Variants in MAPK10 observed in about 807,000 individuals in gnomAD.
MAPK10 encodes mitogen-activated protein kinase 10, also known as JNK3 alpha protein kinase.
Under a neutral mutation model 59.3 loss-of-function variants are expected in MAPK10, and 25 were observed. That is an observed-to-expected ratio of 0.42 (90% CI 0.31 to 0.59). MAPK10 has a LOEUF of 0.59. MAPK10 is among the 20% of genes least tolerant of loss of function. The pLI, the probability that MAPK10 is intolerant of heterozygous loss-of-function variation, is 0.15. For missense variants in MAPK10, 351 were observed against 568.9 expected (o/e 0.62, Z 3.90); for synonymous variants, 190 against 200.5 (o/e 0.95, Z 0.44).
chr4:86,509,504 C>G (rs1756050871), intron 1 of MAPK10, among the ~76,000 whole-genome samples: 1 of 151,586 alleles, frequency 6.6e-6, no homozygotes, highest in Non-Finnish European at 1.5e-5. Flanking sequence ...AAAATGCTTC[C>G]CTGTCCGCAT....
At chr4:86,354,509 A>AT (rs1733416643) in intron 2 of MAPK10, 21 bp downstream of exon 2, 1 of 1,089,178 alleles carries the variant, frequency 9.2e-7, no homozygotes. Context: ...GCTAAGGAAT[A>AT]TTTTTAAATT....
chr4:86,096,026 T>C (rs1292828943), intron 9 of MAPK10, among the ~76,000 whole-genome samples: 2 of 151,750 alleles, frequency 1.3e-5, no homozygotes, highest in Non-Finnish European at 3.0e-5. Flanking sequence ...TTTTAACTTT[T>C]AGGTCCACAT....
intron 9 of MAPK10, among the ~76,000 whole-genome samples, chr4:86,070,674 G>C (rs1157345304): frequency 6.6e-6 from 1 of 150,942 alleles, no homozygotes; most frequent in African/African-American, 2.4e-5. Context: ...AGTTTACTGA[G>C]AATGATGATT....
intron 9 of MAPK10, chr4:86,095,232 A>C (rs1462141124): frequency 2.6e-5 from 4 of 151,464 alleles, no homozygotes; most frequent in Non-Finnish European, 5.9e-5. Flanking sequence ...CCACCAAGAA[A>C]CCCCCACGAT....
chr4:86,049,192 C>T (rs924644493), intron 11 of MAPK10, among the ~76,000 whole-genome samples: 16 of 151,998 alleles, frequency 1.1e-4, no homozygotes, highest in African/African-American at 3.9e-4. Flanking sequence ...CCATACCCCA[C>T]ATGAAGAATC....
At chr4:86,571,315 G>GAT (rs908170626) in intron 1 of MAPK10, among the ~76,000 whole-genome samples, 6 of 130,936 alleles carry the variant, frequency 4.6e-5, no homozygotes, top group Non-Finnish European at 9.7e-5. Context: ...ATATTTACTG[G>GAT]ATATATATAT....
At chr4:86,375,740 A>T (rs867340859) in intron 1 of MAPK10, among the ~76,000 whole-genome samples, 2 of 150,928 alleles carry the variant, frequency 1.3e-5, no homozygotes, top group African/African-American at 4.9e-5. Context: ...AAAAAAAAAA[A>T]AAATTAAATG....
At chr4:86,095,055 A>C (rs759131393) in intron 9 of MAPK10, 2 of 151,906 alleles carry the variant, frequency 1.3e-5, no homozygotes, top group African/African-American at 2.4e-5. Context: ...AACACTTTAC[A>C]CAAGAAAAAT....
chr4:86,187,860 C>CATAGGTA (rs1273774166), intron 3 of MAPK10, among the ~76,000 whole-genome samples: 7 of 152,114 alleles, frequency 4.6e-5, no homozygotes, highest in Non-Finnish European at 7.4e-5. Context: ...TGGTGGTTTG[C>CATAGGTA]TGCACCCATC....
intron 1 of MAPK10, among the ~76,000 whole-genome samples, chr4:86,494,107 C>G (rs959594396): frequency 6.6e-6 from 1 of 152,198 alleles, no homozygotes; most frequent in African/African-American, 2.4e-5. Context: ...TTTCCAAGTT[C>G]TCTGGCTTCT....
chr4:86,578,413 C>A (rs999326739), intron 1 of MAPK10, among the ~76,000 whole-genome samples: 6 of 152,096 alleles, frequency 3.9e-5, no homozygotes, highest in African/African-American at 1.4e-4. Context: ...CTTTCAATAG[C>A]AGTCTAATGA....
chr4:86,012,526 T>C lies in MAPK10; in HGVS notation c.*4702A>G, dbSNP rs1313685000. 6.6e-6 allele frequency: 1 copy of C among 151,914 alleles called. No homozygotes were observed. Among genetic ancestry groups the C allele is most frequent in the Non-Finnish European group, 1.5e-5 (1 of 68,000 alleles). 9.4% of individuals were successfully genotyped at this position (151,914 alleles called of 1,614,324 possible). On this transcript the variant is annotated 3_prime_UTR_variant, in exon 14 of 14. Coordinates refer to ENST00000641462, the MANE Select transcript of MAPK10 (RefSeq NM_138982.4). ...GATTTCCTCTGATTTTAATAATCCA[T>C]AAGAAACAGAAATCATAATATATTG...
At chr4:86,590,717 T>C (rs1183410555) in intron 1 of MAPK10, among the ~76,000 whole-genome samples, 2 of 152,022 alleles carry the variant, frequency 1.3e-5, no homozygotes. Flanking sequence ...GCATAGGAGG[T>C]TGAGGCTGCA....
At chr4:86,187,555 C>T (rs560841890) in intron 3 of MAPK10, among the ~76,000 whole-genome samples, 1 of 152,036 alleles carries the variant, frequency 6.6e-6, no homozygotes, top group East Asian at 1.9e-4. Context: ...GAAACCGAAA[C>T]CACAGATAAG....
intron 1 of MAPK10, among the ~76,000 whole-genome samples, chr4:86,463,054 G>A (rs376632720): frequency 1.3e-3 from 194 of 152,290 alleles, no homozygotes; most frequent in African/African-American, 4.6e-3. Flanking sequence ...TGAACAATTA[G>A]AAAAAGGACA....
At chr4:86,212,833 C>T (rs112663482) in intron 2 of MAPK10, among the ~76,000 whole-genome samples, 2,619 of 152,108 alleles carry the variant, frequency 0.017, 99 homozygotes, top group African/African-American at 0.059. Flanking sequence ...CATACAAATA[C>T]AAATTATATG....
At chr4:86,456,644 G>A (rs1256271273), upstream of MAPK10, among the ~76,000 whole-genome samples, 3 of 151,776 alleles carry the variant, frequency 2.0e-5, no homozygotes, top group East Asian at 5.8e-4. Flanking sequence ...ATAACAAACA[G>A]CAATATTGAA....
At chr4:86,132,845 G>A (rs2149144538) in intron 4 of MAPK10, among the ~76,000 whole-genome samples, 1 of 152,232 alleles carries the variant, frequency 6.6e-6, no homozygotes, top group Non-Finnish European at 1.5e-5. Flanking sequence ...TCTAGCTGCA[G>A]GAAAACAAGT....
At chr4:86,461,373 G>T (rs1010258042) in intron 1 of MAPK10, among the ~76,000 whole-genome samples, 1 of 152,184 alleles carries the variant, frequency 6.6e-6, no homozygotes, top group African/African-American at 2.4e-5. Flanking sequence ...TGGAGTCAAA[G>T]ATTTTCTGAT....
Sources: allele counts gnomAD v4.1 joint callset (sites outside exome capture counted in the v4.1 genomes callset), GRCh38; gene constraint gnomAD v4.1.1; transcripts MANE v1.5; gene names NCBI Gene and HGNC (gene_info 2026-07-23, HGNC 2026-07-21).